The following PTPRM variants were observed in gnomAD, a reference collection of about 807,000 sequenced individuals.
The protein encoded by PTPRM is receptor-type tyrosine-protein phosphatase mu.
A neutral mutation model predicts 186.7 loss-of-function variants in PTPRM; 47 were observed. The observed-to-expected ratio is 0.25, with a 90% confidence interval of 0.20 to 0.32. The LOEUF is 0.32. PTPRM is among the 10% of genes least tolerant of loss of function. The pLI is 1.00. For missense variants in PTPRM, 1,494 were observed against 1,865.0 expected (o/e 0.80, Z 3.66); for synonymous variants, 668 against 674.9 (o/e 0.99, Z 0.16).
chr18:8,111,612 C>A (rs1271263215), intron 11 of PTPRM, among the ~76,000 whole-genome samples: 10 of 146,998 alleles, frequency 6.8e-5, no homozygotes, highest in Non-Finnish European at 6.0e-5. Flanking sequence ...GACTCCATCT[C>A]AAAAAAAAAA....
chr18:7,661,846 G>A (rs971279212), intron 1 of PTPRM, among the ~76,000 whole-genome samples: 2 of 152,186 alleles, frequency 1.3e-5, no homozygotes, highest in African/African-American at 2.4e-5. Flanking sequence ...ACTGCAGTAA[G>A]CCTGAATAAT....
intron 14 of PTPRM, among the ~76,000 whole-genome samples, chr18:8,160,586 A>G (rs951660777): frequency 3.3e-5 from 5 of 152,134 alleles, no homozygotes; most frequent in East Asian, 1.9e-4. Flanking sequence ...CTGAACCACT[A>G]TGCCTAGCCA....
chr18:7,980,684 A>G (rs2082500285), intron 7 of PTPRM, among the ~76,000 whole-genome samples: 1 of 152,184 alleles, frequency 6.6e-6, no homozygotes, highest in South Asian at 2.1e-4. Flanking sequence ...GTGTCCAGCC[A>G]TCAGAGGTCT....
intron 1 of PTPRM, among the ~76,000 whole-genome samples, chr18:7,667,550 GC>G (rs2039123976): frequency 6.6e-6 from 1 of 152,210 alleles, no homozygotes. Flanking sequence ...TTTCTTAAAA[GC>G]TAAATTGAGT....
At chr18:8,019,917 C>T (rs2085106083) in intron 7 of PTPRM, among the ~76,000 whole-genome samples, 1 of 151,094 alleles carries the variant, frequency 6.6e-6, no homozygotes, top group South Asian at 2.1e-4. Flanking sequence ...CCCTACCAAC[C>T]CAGAGTAACT....
At chr18:7,917,319 G>A (rs1339168190) in intron 4 of PTPRM, among the ~76,000 whole-genome samples, 1 of 152,202 alleles carries the variant, frequency 6.6e-6, no homozygotes, top group Admixed American at 6.5e-5. Context: ...GGATCACGAG[G>A]TCAGGAGATC....
intron 14 of PTPRM, among the ~76,000 whole-genome samples, chr18:8,240,651 G>GAA (rs1208165737): frequency 0.019 from 624 of 33,296 alleles, 7 homozygotes; most frequent in Non-Finnish European, 0.022. Flanking sequence ...GAGAGAGAGA[G>GAA]AGAAAGAAAG....
At chr18:8,135,512 A>C (rs1010516558) in intron 13 of PTPRM, among the ~76,000 whole-genome samples, 2 of 152,164 alleles carry the variant, frequency 1.3e-5, no homozygotes. Context: ...GAACCCAGCC[A>C]TCTGCATGTT....
At chr18:7,860,386 A>C (rs2146044152) in intron 2 of PTPRM, among the ~76,000 whole-genome samples, 1 of 152,162 alleles carries the variant, frequency 6.6e-6, no homozygotes, top group Admixed American at 6.5e-5. Context: ...CAGTTTTTTA[A>C]GTTTTTCTTT....
intron 14 of PTPRM, among the ~76,000 whole-genome samples, chr18:8,184,075 A>G (rs2093612463): frequency 6.6e-6 from 1 of 152,148 alleles, no homozygotes; most frequent in Admixed American, 6.5e-5. Context: ...TCCTCATCCC[A>G]AAGTTCCTGC....
intron 14 of PTPRM, among the ~76,000 whole-genome samples, chr18:8,201,885 A>G (rs146020019): frequency 8.3e-4 from 127 of 152,344 alleles, no homozygotes; most frequent in African/African-American, 2.1e-3. Context: ...TTTCATTTCA[A>G]CATCATTGGA....
intron 1 of PTPRM, among the ~76,000 whole-genome samples, chr18:7,726,197 G>A (rs887042144): frequency 8.5e-5 from 13 of 152,158 alleles, no homozygotes; most frequent in African/African-American, 2.9e-4. Context: ...GAAATAATCT[G>A]CTTCTGTGGT....
intron 1 of PTPRM, among the ~76,000 whole-genome samples, chr18:7,770,901 C>T (rs2042242287): frequency 6.6e-6 from 1 of 152,160 alleles, no homozygotes; most frequent in African/African-American, 2.4e-5. Flanking sequence ...GGAAATGTAT[C>T]TTCACTGGGA....
intron 1 of PTPRM, among the ~76,000 whole-genome samples, chr18:7,611,879 T>G (rs986635218): frequency 6.6e-6 from 1 of 152,178 alleles, no homozygotes; most frequent in Non-Finnish European, 1.5e-5. Flanking sequence ...AAACCCTCTT[T>G]CTTTTGTAAA....
chr18:7,929,314 T>A (rs1198151525), intron 5 of PTPRM, among the ~76,000 whole-genome samples: 1 of 152,198 alleles, frequency 6.6e-6, no homozygotes, highest in Non-Finnish European at 1.5e-5. Context: ...TCTCATTAGA[T>A]TTGAATGATG....
intron 2 of PTPRM, among the ~76,000 whole-genome samples, chr18:7,852,344 A>G (rs959115868): frequency 2.0e-5 from 3 of 152,154 alleles, no homozygotes; most frequent in African/African-American, 7.2e-5. Context: ...TAGGAGGCCG[A>G]GGTGGGAGGA....
chr18:7,928,670 A>G (rs1019024631), intron 5 of PTPRM, among the ~76,000 whole-genome samples: 7 of 152,180 alleles, frequency 4.6e-5, no homozygotes, highest in African/African-American at 1.7e-4. Flanking sequence ...AATACAATAT[A>G]AATACTATAT....
At chr18:8,160,288 C>CTATT (rs200683273) in intron 14 of PTPRM, among the ~76,000 whole-genome samples, 2,303 of 151,996 alleles carry the variant, frequency 0.015, 47 homozygotes, top group African/African-American at 0.052. Context: ...TATGTATTTT[C>CTATT]TATTTATTTA....
At chr18:7,832,772 A>G (rs1479008586) in intron 2 of PTPRM, among the ~76,000 whole-genome samples, 1 of 152,088 alleles carries the variant, frequency 6.6e-6, no homozygotes, top group Non-Finnish European at 1.5e-5. Context: ...GAAGTCTTTA[A>G]TCCATTTTGA....
Sources: gnomAD v4.1 joint callset for allele counts (sites outside exome capture counted in the v4.1 genomes callset) on GRCh38, gnomAD v4.1.1 for gene constraint, MANE v1.5 for transcripts, NCBI Gene and HGNC (gene_info 2026-07-23, HGNC 2026-07-21) for gene names.